EFCAB14: variants seen among roughly 807,000 people sequenced by gnomAD.
EFCAB14 encodes EF-hand calcium binding domain 14, also known as EF-hand calcium-binding domain-containing protein 14.
EFCAB14 carries 43 observed loss-of-function variants against 56.5 expected under a neutral mutation model. The ratio of observed to expected loss-of-function variants is 0.76; its 90% CI spans 0.60 to 0.98. EFCAB14 has a LOEUF of 0.98. Among genes scored for constraint, EFCAB14 ranks in the 50% least tolerant of loss-of-function variants. The pLI is 0.00. For missense variants in EFCAB14, 538 were observed against 580.3 expected, an observed-to-expected ratio of 0.93 and a Z score of 0.75; for synonymous variants, 235 against 212.9, an observed-to-expected ratio of 1.10 and a Z score of -0.90.
chr1:46,708,003 T>C lies in EFCAB14; in HGVS notation c.383A>G (p.Glu128Gly). 1.2e-6 allele frequency: 2 copies of C among 1,612,920 alleles called. No individual in the cohort carries two copies. The highest frequency in any genetic ancestry group is 1.7e-6 in the Non-Finnish European group (2 of 1,179,722). The change falls in exon 3 of 11, where the codon GAA (glutamate) becomes GGA (glycine). Residue 128 changes from glutamate to glycine, a missense_variant. Glu to Gly is a moderately conservative substitution (Grantham distance 98, BLOSUM62 -2). Transcript: ENST00000371933. The part of the protein sequence containing the change: ...SSFQEIPKLN[E>G]ELLSKQKQLE... ...TTGTTTTTGCTTGCTGAGTAGTTCT[T>C]CATTAAGTTTGGGGATTTCTTGGAA...
chr1:46,686,460 T>C (rs1569689372), intron 8 of EFCAB14, among the ~76,000 whole-genome samples: 2 of 152,224 alleles, frequency 1.3e-5, no homozygotes, highest in Non-Finnish European at 2.9e-5. Flanking sequence ...TTTATAATAC[T>C]TATCATACTC....
rs2148838248 is a variant in EFCAB14 at position 46,683,309 on chromosome 1, T to C, written c.1303A>G (p.Ser435Gly). 6.2e-7 allele frequency: 1 copy of C among 1,613,850 alleles called. No individual in the cohort carries two copies. Among genetic ancestry groups the C allele is most frequent in the South Asian group, 1.1e-5 (1 of 90,970 alleles). The change falls in exon 10 of 11, where the codon AGC becomes GGC. Residue 435 changes from serine (S) to glycine (G), a missense_variant. Coordinates refer to ENST00000371933, the MANE Select transcript of EFCAB14 (RefSeq NM_014774.3). ...TGGTATAAAAATTTACCTTCAGTGC[T>C]AGAAACTCCTGGTAGGGAGATAGGT... ...LRPISLPGVS[S>G]TEDLQDLFRK...
At chr1:46,709,778 A>C (rs1336569485) in intron 2 of EFCAB14, among the ~76,000 whole-genome samples, 1 of 152,166 alleles carries the variant, frequency 6.6e-6, no homozygotes, top group Non-Finnish European at 1.5e-5. Flanking sequence ...ACCTGAGGTG[A>C]GGAGTTTGAG....
At chr1:46,686,521 A>C (rs1676884343) in intron 8 of EFCAB14, among the ~76,000 whole-genome samples, 2 of 152,314 alleles carry the variant, frequency 1.3e-5, no homozygotes, top group East Asian at 3.9e-4. Flanking sequence ...GACTGACAGG[A>C]CTTTGAGCTC....
chr1:46,686,664 G>A, intron 8 of EFCAB14, 120 bp downstream of exon 8: 1 of 972,058 alleles, frequency 1.0e-6, no homozygotes, highest in Non-Finnish European at 1.6e-6. Context: ...TAATTGCTTT[G>A]TTTTGAAGTT....
intron 4 of EFCAB14, among the ~76,000 whole-genome samples, chr1:46,695,171 G>A (rs551647018): frequency 5.3e-5 from 8 of 152,200 alleles, no homozygotes; most frequent in South Asian, 2.1e-4. Context: ...ATATACATAC[G>A]TAACAAACCT....
intron 7 of EFCAB14, among the ~76,000 whole-genome samples, chr1:46,687,687 G>A (rs1230445743): frequency 1.3e-5 from 2 of 152,138 alleles, no homozygotes; most frequent in Non-Finnish European, 1.5e-5. Flanking sequence ...AATCCATGTG[G>A]ATCCCTGCAC....
At chr1:46,704,175 G>C (rs982031289) in intron 3 of EFCAB14, among the ~76,000 whole-genome samples, 2 of 151,946 alleles carry the variant, frequency 1.3e-5, no homozygotes, top group African/African-American at 4.8e-5. Context: ...TGAGGGAACT[G>C]GGGGCAGTGG....
Position 46,717,982 on chromosome 1 carries a change from G to A in EFCAB14, c.106C>T (p.Pro36Ser). 1 of 1,614,162 alleles carries A rather than the reference G, an allele frequency of 6.2e-7. No homozygotes were observed. Among genetic ancestry groups the A allele is most frequent in the East Asian group, 2.2e-5 (1 of 44,874 alleles). Reference protein sequence around the residue: ...PSSHRLLRTEPPDSDSESSSE... With the variant: ...PSSHRLLRTESPDSDSESSSE... ...CTGGACTCAGAGTCTGAGTCGGGAGGCTCAGTGCGAAGCAGGCGGTGACTG... is the reference window on the plus strand; with the variant it reads ...CTGGACTCAGAGTCTGAGTCGGGAGACTCAGTGCGAAGCAGGCGGTGACTG... The change falls in exon 1 of 11, where the codon CCT becomes TCT. Residue 36 changes from proline to serine, a missense_variant. Pro to Ser is a moderately conservative substitution (Grantham distance 74). Coordinates refer to ENST00000371933, the MANE Select transcript of EFCAB14 (RefSeq NM_014774.3).
Position 46,677,248 on chromosome 1 carries a change from T to C in EFCAB14, c.*1213A>G, listed in dbSNP as rs1472351892. ...GCTACCACCATGTGAAGGCCCTAGCTCCAGGCCTGCCCTGCTATACTTTGG... is the reference window on the plus strand; with the variant it reads ...GCTACCACCATGTGAAGGCCCTAGCCCCAGGCCTGCCCTGCTATACTTTGG... On this transcript the variant is annotated 3_prime_UTR_variant, in exon 11 of 11. Coordinates refer to ENST00000371933, the MANE Select transcript of EFCAB14 (RefSeq NM_014774.3). 1 of 152,328 alleles carries C rather than the reference T, an allele frequency of 6.6e-6. No individual in the cohort carries two copies. The highest frequency in any genetic ancestry group is 1.5e-5 in the Non-Finnish European group (1 of 68,050). 9.4% of individuals were successfully genotyped at this position (152,328 alleles called of 1,614,324 possible).
chr1:46,680,874 T>C lies in EFCAB14; in HGVS notation c.1313-2238A>G, dbSNP rs557122638. Among the ~76,000 whole-genome samples the C allele has an allele frequency of 1.7e-3, 262 of 152,336 alleles. 2 individuals carry two copies. Among genetic ancestry groups the C allele is most frequent in the African/African-American group, 6.2e-3 (256 of 41,580 alleles). On this transcript the variant is annotated intron_variant, in intron 10 of 10. Transcript: ENST00000371933. The stretch of plus-strand genomic sequence containing the variant: ...TATCTTTTTTATTTCAATGGCAATA[T>C]TGAGCCAAAATGATTAGAGAATGTC...
intron 2 of EFCAB14, among the ~76,000 whole-genome samples, chr1:46,714,170 C>G: frequency 6.6e-6 from 1 of 151,966 alleles, no homozygotes; most frequent in East Asian, 1.9e-4. Flanking sequence ...CTGTAGGCAG[C>G]CAAGAGAAGT....
At chr1:46,716,894 C>A (rs553394450) in intron 1 of EFCAB14, among the ~76,000 whole-genome samples, 4 of 152,296 alleles carry the variant, frequency 2.6e-5, no homozygotes, top group South Asian at 2.1e-4. Context: ...AGTTTTACTG[C>A]AAAAGAAATG....
intron 6 of EFCAB14, 139 bp from the exon 7 acceptor site, chr1:46,688,683 C>G (rs1676929380): frequency 3.9e-6 from 3 of 764,838 alleles, no homozygotes; most frequent in Non-Finnish European, 6.2e-6. Flanking sequence ...AATCGTCTGT[C>G]TTTGCTTTGT....
intron 3 of EFCAB14, among the ~76,000 whole-genome samples, chr1:46,700,732 G>A: frequency 6.6e-6 from 1 of 151,948 alleles, no homozygotes; most frequent in East Asian, 1.9e-4. Context: ...TTCCTTATTT[G>A]TAACAGCAAA....
At chr1:46,687,797 T>C (rs957957354) in intron 7 of EFCAB14, among the ~76,000 whole-genome samples, 1 of 152,204 alleles carries the variant, frequency 6.6e-6, no homozygotes, top group African/African-American at 2.4e-5. Flanking sequence ...TCAGTTTCCT[T>C]ACATGTAAAA....
chr1:46,680,609 G>A (rs1236622060), intron 10 of EFCAB14, among the ~76,000 whole-genome samples: 2 of 152,210 alleles, frequency 1.3e-5, no homozygotes, highest in African/African-American at 2.4e-5. Flanking sequence ...AATGGGTACA[G>A]AGATTCTGTG....
In EFCAB14 at chr1:46,686,770, C is replaced by A. The variant is rs765049426; in HGVS notation, c.1074+14G>T. On this transcript the variant is annotated intron_variant, in intron 8 of 10. Transcript: ENST00000371933. ...CATTTACTTTTACTTCAGGGTAAGC[C>A]TCCCATTATTTACCTTTATGCTTTG... 1 of 1,612,038 alleles carries A rather than the reference C, an allele frequency of 6.2e-7. No homozygotes were observed. The highest frequency in any genetic ancestry group is 8.5e-7 in the Non-Finnish European group (1 of 1,178,506).
chr1:46,696,860 A>G (rs1310994743), intron 3 of EFCAB14, among the ~76,000 whole-genome samples: 4 of 152,256 alleles, frequency 2.6e-5, no homozygotes, highest in Admixed American at 6.5e-5. Flanking sequence ...TCCCTGCCCA[A>G]TTTGAACACT....
Sources: gnomAD v4.1 joint callset for allele counts (sites outside exome capture counted in the v4.1 genomes callset) on GRCh38, gnomAD v4.1.1 for gene constraint, MANE v1.5 for transcripts, NCBI Gene and HGNC (gene_info 2026-07-23, HGNC 2026-07-21) for gene names.